GRID2: variants seen among roughly 807,000 people sequenced by gnomAD.
GRID2 encodes glutamate receptor ionotropic, delta-2.
A neutral mutation model predicts 114.8 loss-of-function variants in GRID2; 33 were observed. The ratio of observed to expected loss-of-function variants is 0.29; its 90% confidence interval spans 0.22 to 0.38. GRID2 has a LOEUF of 0.38. Ranked by LOEUF, GRID2 falls within the 10% of genes least tolerant of loss-of-function variation. The pLI, the probability that GRID2 is intolerant of heterozygous loss-of-function variation, is 1.00. For synonymous variants in GRID2, 505 were observed against 449.9 expected (o/e 1.12, Z -1.55); for missense variants, 1,184 against 1,257.7 (o/e 0.94, Z 0.89).
chr4:93,034,106 A>T (rs563173984), intron 2 of GRID2, among the ~76,000 whole-genome samples: 4 of 152,342 alleles, frequency 2.6e-5, no homozygotes, highest in African/African-American at 9.6e-5. Context: ...GGTTGATGTT[A>T]TATGAGTGAG....
In GRID2 at chr4:92,309,899, A is replaced by G. The variant is rs6532365; in HGVS notation, c.88+5155A>G. Among the ~76,000 whole-genome samples, 481 of 152,110 alleles carry G rather than the reference A, an allele frequency of 3.2e-3. 5 individuals are homozygous for G. Among genetic ancestry groups the G allele is most frequent in the African/African-American group, 0.011 (444 of 41,570 alleles). On this transcript the variant is annotated intron_variant, in intron 1 of 15. Coordinates refer to ENST00000282020, the MANE Select transcript of GRID2 (RefSeq NM_001510.4). ...ACATTAGTGAATAAAGTAGTTTGTT[A>G]AGCAGCTTCTAACGGTGGTAGCTCT...
At chr4:93,173,319 A>G (rs1739029694) in intron 4 of GRID2, among the ~76,000 whole-genome samples, 1 of 152,170 alleles carries the variant, frequency 6.6e-6, no homozygotes, top group Non-Finnish European at 1.5e-5. Context: ...AGAATTTGTC[A>G]TAGAGCATAT....
At chr4:93,430,352 T>C (rs1560611890) in intron 10 of GRID2, among the ~76,000 whole-genome samples, 1 of 152,150 alleles carries the variant, frequency 6.6e-6, no homozygotes, top group Non-Finnish European at 1.5e-5. Context: ...GGCTAATTTT[T>C]GTATTTTTAG....
chr4:92,385,051 T>G (rs1021205661), intron 1 of GRID2, among the ~76,000 whole-genome samples: 7 of 151,712 alleles, frequency 4.6e-5, no homozygotes, highest in Non-Finnish European at 5.9e-5. Context: ...AATATAAAAA[T>G]ATATCTGCTG....
At chr4:93,572,282 G>A (rs991666069) in intron 13 of GRID2, among the ~76,000 whole-genome samples, 4 of 152,248 alleles carry the variant, frequency 2.6e-5, no homozygotes, top group African/African-American at 9.6e-5. Flanking sequence ...TTAGAAGGCA[G>A]TATGAGAAGC....
At chr4:92,602,568 G>T (rs1174903248) in intron 2 of GRID2, among the ~76,000 whole-genome samples, 4 of 151,888 alleles carry the variant, frequency 2.6e-5, no homozygotes, top group Admixed American at 6.6e-5. Context: ...ATATTAACAG[G>T]TGTGTATGAC....
chr4:92,990,444 G>T (rs1249095900), intron 2 of GRID2, among the ~76,000 whole-genome samples: 1 of 151,342 alleles, frequency 6.6e-6, no homozygotes. Context: ...TGAGTAGCTG[G>T]GATTACAGGT....
chr4:92,992,011 C>T (rs560624475), intron 2 of GRID2, among the ~76,000 whole-genome samples: 16 of 152,238 alleles, frequency 1.1e-4, no homozygotes, highest in African/African-American at 3.1e-4. Context: ...TGCACTGTCT[C>T]GTAGCCCTGC....
chr4:93,516,173 G>T (rs186532944), intron 13 of GRID2, among the ~76,000 whole-genome samples: 1 of 152,094 alleles, frequency 6.6e-6, no homozygotes, highest in Non-Finnish European at 1.5e-5. Flanking sequence ...GTCAGTAATA[G>T]CAGCAATAGT....
chr4:93,316,754 G>A (rs370624688), intron 8 of GRID2, among the ~76,000 whole-genome samples: 1 of 152,124 alleles, frequency 6.6e-6, no homozygotes, highest in African/African-American at 2.4e-5. Flanking sequence ...TGAAAGGAGA[G>A]CAACAGTGGG....
chr4:92,439,824 A>C (rs918167679), intron 1 of GRID2, among the ~76,000 whole-genome samples: 3 of 146,078 alleles, frequency 2.1e-5, no homozygotes, highest in African/African-American at 7.3e-5. Flanking sequence ...AAGAGTTAAG[A>C]GTGGCAGTTT....
In GRID2 at chr4:93,366,636, A is replaced by C. The variant is rs1322337958; in HGVS notation, c.1246-28971A>C. On this transcript the variant is annotated intron_variant, in intron 8 of 15. Transcript: ENST00000282020. ...GTCTCTGACCCACACCTATTCACACACTCCCTCCCCTTTTGAAAATCCCTA... is the reference window on the plus strand; with the variant it reads ...GTCTCTGACCCACACCTATTCACACCCTCCCTCCCCTTTTGAAAATCCCTA... Among the ~76,000 whole-genome samples, 8 of 151,242 alleles carry C rather than the reference A, an allele frequency of 5.3e-5. No homozygotes were observed. In the East Asian group the frequency reaches 1.4e-3, roughly 26 times the overall value.
At chr4:93,491,553 T>G (rs1727014413) in intron 12 of GRID2, among the ~76,000 whole-genome samples, 1 of 151,820 alleles carries the variant, frequency 6.6e-6, no homozygotes, top group African/African-American at 2.4e-5. Context: ...GAACATAATG[T>G]TCTATATATT....
At chr4:92,801,664 G>A (rs149531699) in intron 2 of GRID2, among the ~76,000 whole-genome samples, 40 of 151,822 alleles carry the variant, frequency 2.6e-4, no homozygotes, top group African/African-American at 9.2e-4. Context: ...TGTAATATAA[G>A]CATATATATA....
chr4:92,357,853 C>G (rs564453802), intron 1 of GRID2, among the ~76,000 whole-genome samples: 2 of 151,940 alleles, frequency 1.3e-5, no homozygotes, highest in South Asian at 4.1e-4. Flanking sequence ...AGAGCTCCTT[C>G]TGGACCTCTA....
At chr4:93,254,972 TACAA>T (rs1470634684) in intron 8 of GRID2, among the ~76,000 whole-genome samples, 3 of 152,116 alleles carry the variant, frequency 2.0e-5, no homozygotes, top group African/African-American at 7.2e-5. Flanking sequence ...CTCAGTCTTT[TACAA>T]ACAAACAAAG....
At chr4:93,322,793 G>C (rs536155076) in intron 8 of GRID2, among the ~76,000 whole-genome samples, 70 of 152,114 alleles carry the variant, frequency 4.6e-4, no homozygotes, top group Middle Eastern at 3.4e-3. Flanking sequence ...TCTCTGATGG[G>C]CAGTGATGAT....
At position 93,397,100 on chromosome 4, in the gene GRID2, T is replaced by G. The variant is rs192308061; in HGVS notation, c.1347+1392T>G. Among the ~76,000 whole-genome samples the G allele has an allele frequency of 2.1e-4, 32 of 152,124 alleles. No homozygotes were observed. The East Asian group carries it at 4.3e-3, about 20-fold the overall frequency. On this transcript the variant is annotated intron_variant, in intron 9 of 15. Transcript: ENST00000282020. ...CCAGTTGCTGCCCTTTGTACATTGT[T>G]TACTACAAATTAAATATATGCAATG...
intron 2 of GRID2, among the ~76,000 whole-genome samples, chr4:92,591,714 T>TAA (rs1728713576): frequency 6.6e-6 from 1 of 152,154 alleles, no homozygotes; most frequent in Non-Finnish European, 1.5e-5. Context: ...TTGAAACTTA[T>TAA]TTATGTTAGT....
Sources: gnomAD v4.1 joint callset for allele counts (sites outside exome capture counted in the v4.1 genomes callset) on GRCh38, gnomAD v4.1.1 for gene constraint, MANE v1.5 for transcripts, NCBI Gene and HGNC (gene_info 2026-07-23, HGNC 2026-07-21) for gene names.